CACNA2D3: variants seen among roughly 807,000 people sequenced by gnomAD.
CACNA2D3 encodes the protein voltage-dependent calcium channel subunit alpha-2/delta-3.
A neutral mutation model predicts 160.6 loss-of-function variants in CACNA2D3; 60 were observed. That is an observed-to-expected ratio of 0.37 (90% CI 0.30 to 0.46). CACNA2D3 has a LOEUF of 0.46. CACNA2D3 is among the 20% of genes least tolerant of loss of function. The pLI, the probability that CACNA2D3 is intolerant of heterozygous loss-of-function variation, is 1.00. For missense variants in CACNA2D3, 1,205 were observed against 1,365.0 expected (o/e 0.88, Z 1.85); for synonymous variants, 558 against 492.9 (o/e 1.13, Z -1.75).
At chr3:54,341,433 T>C (rs1204270724) in intron 3 of CACNA2D3, among the ~76,000 whole-genome samples, 1 of 152,150 alleles carries the variant, frequency 6.6e-6, no homozygotes, top group African/African-American at 2.4e-5. Flanking sequence ...GCAGAGAGAC[T>C]ATGTGACCCG....
At chr3:54,772,574 C>T (rs756275410) in intron 13 of CACNA2D3, among the ~76,000 whole-genome samples, 1 of 152,122 alleles carries the variant, frequency 6.6e-6, no homozygotes, top group Non-Finnish European at 1.5e-5. Context: ...ATTCTGTTTC[C>T]TGCTTGGCTG....
At chr3:54,790,303 C>T (rs138022311) in intron 13 of CACNA2D3, among the ~76,000 whole-genome samples, 2 of 152,288 alleles carry the variant, frequency 1.3e-5, no homozygotes, top group Non-Finnish European at 2.9e-5. Flanking sequence ...GCCTTCTCCC[C>T]TCTCATCTGC....
intron 27 of CACNA2D3, among the ~76,000 whole-genome samples, chr3:54,933,442 C>A (rs1701255534): frequency 6.6e-6 from 1 of 152,150 alleles, no homozygotes; most frequent in East Asian, 1.9e-4. Context: ...CTCTCAGAGC[C>A]CTCTCCATCA....
At chr3:54,784,358 A>T (rs918692983) in intron 13 of CACNA2D3, among the ~76,000 whole-genome samples, 2 of 152,210 alleles carry the variant, frequency 1.3e-5, no homozygotes, top group Non-Finnish European at 2.9e-5. Flanking sequence ...GGTATCTTTT[A>T]GAAACCTTGC....
rs1287285227 is a variant in CACNA2D3, at chr3:54,633,256, A to G, written c.1053+5380A>G. Among the ~76,000 whole-genome samples, 8 of 152,176 alleles carry G rather than the reference A, an allele frequency of 5.3e-5. No homozygotes were observed. The East Asian group carries it at 1.5e-3, about 29-fold the overall frequency. Reference sequence around the variant, plus strand: ...ACTGAAAGGCCATATTGTGTGCTCAATTGGAGAGTAGATTCTAGAGCTTGA... The same window carrying G: ...ACTGAAAGGCCATATTGTGTGCTCAGTTGGAGAGTAGATTCTAGAGCTTGA... On this transcript the variant is annotated intron_variant, in intron 10 of 37. Coordinates refer to ENST00000474759, the MANE Select transcript of CACNA2D3 (RefSeq NM_018398.3).
At chr3:54,850,723 G>A (rs932412592) in intron 17 of CACNA2D3, among the ~76,000 whole-genome samples, 1 of 152,204 alleles carries the variant, frequency 6.6e-6, no homozygotes, top group African/African-American at 2.4e-5. Flanking sequence ...TTCCACAGAG[G>A]AGCCTCAGGC....
chr3:54,300,060 T>C (rs1703439573), intron 2 of CACNA2D3, among the ~76,000 whole-genome samples: 1 of 152,248 alleles, frequency 6.6e-6, no homozygotes, highest in South Asian at 2.1e-4. Flanking sequence ...TCAAAGAGGT[T>C]AGTTTAAAAG....
At chr3:55,018,433 C>T in intron 35 of CACNA2D3, 116 bp downstream of exon 35, 2 of 650,918 alleles carry the variant, frequency 3.1e-6, no homozygotes, top group Non-Finnish European at 5.6e-6. Context: ...CATGGCTGCC[C>T]TCTTGCGTAA....
chr3:54,619,386 C>T (rs1325110653), intron 9 of CACNA2D3, among the ~76,000 whole-genome samples: 1 of 152,220 alleles, frequency 6.6e-6, no homozygotes. Context: ...CTGAGCTCAT[C>T]ACCATCATCC....
chr3:54,159,371 C>T (rs1235818011), intron 2 of CACNA2D3, among the ~76,000 whole-genome samples: 1 of 151,826 alleles, frequency 6.6e-6, no homozygotes, highest in Non-Finnish European at 1.5e-5. Context: ...TTGTCATGAA[C>T]ATTATGTTTT....
At chr3:54,462,660 C>G (rs1700529421) in intron 4 of CACNA2D3, among the ~76,000 whole-genome samples, 1 of 151,542 alleles carries the variant, frequency 6.6e-6, no homozygotes, top group African/African-American at 2.4e-5. Flanking sequence ...ATTTTGAACC[C>G]ATGTGTGTCT....
intron 35 of CACNA2D3, among the ~76,000 whole-genome samples, chr3:55,040,205 C>G (rs1559471292): frequency 6.6e-6 from 1 of 152,046 alleles, no homozygotes; most frequent in Non-Finnish European, 1.5e-5. Context: ...CCCTTATGAC[C>G]TCATCTAAAG....
intron 2 of CACNA2D3, among the ~76,000 whole-genome samples, chr3:54,268,738 G>T (rs376038371): frequency 6.6e-6 from 1 of 152,118 alleles, no homozygotes; most frequent in African/African-American, 2.4e-5. Flanking sequence ...GAAAACTGAG[G>T]CCTGCAGAAG....
chr3:54,597,430 C>G (rs991115285), intron 9 of CACNA2D3, among the ~76,000 whole-genome samples: 2 of 152,150 alleles, frequency 1.3e-5, no homozygotes, highest in South Asian at 4.1e-4. Context: ...CTCCCACCTT[C>G]ACCCCTGAAA....
chr3:54,378,435 A>C (rs945958030), intron 3 of CACNA2D3, among the ~76,000 whole-genome samples: 32 of 152,270 alleles, frequency 2.1e-4, no homozygotes, highest in African/African-American at 7.0e-4. Flanking sequence ...TGTGCAGCCC[A>C]GTTCCTAACA....
intron 11 of CACNA2D3, among the ~76,000 whole-genome samples, chr3:54,678,645 C>T (rs921220562): frequency 1.6e-4 from 21 of 129,378 alleles, no homozygotes; most frequent in Admixed American, 3.0e-4. Flanking sequence ...CGCTTGAAGC[C>T]GGGAGGTGGA....
intron 12 of CACNA2D3, among the ~76,000 whole-genome samples, chr3:54,762,360 C>T (rs181990535): frequency 7.6e-4 from 115 of 152,308 alleles, no homozygotes; most frequent in Non-Finnish European, 1.0e-3. Context: ...ATCCCAGTTC[C>T]TCTGGCTAAC....
intron 2 of CACNA2D3, among the ~76,000 whole-genome samples, chr3:54,168,526 G>A (rs562857864): frequency 6.6e-6 from 1 of 152,244 alleles, no homozygotes; most frequent in South Asian, 2.1e-4. Context: ...ATGATGCTGT[G>A]GGTACTGAGG....
At chr3:54,262,204 C>A (rs1702413399) in intron 2 of CACNA2D3, among the ~76,000 whole-genome samples, 1 of 152,108 alleles carries the variant, frequency 6.6e-6, no homozygotes, top group Non-Finnish European at 1.5e-5. Flanking sequence ...GGCGGCAGGG[C>A]TTGGTAGACC....
Sources: allele counts gnomAD v4.1 joint callset (sites outside exome capture counted in the v4.1 genomes callset), GRCh38; gene constraint gnomAD v4.1.1; transcripts MANE v1.5; gene names NCBI Gene and HGNC (gene_info 2026-07-23, HGNC 2026-07-21).